The following PITPNC1 variants were observed in gnomAD, a reference collection of about 807,000 sequenced individuals.
The protein encoded by PITPNC1 is phosphatidylinositol transfer protein cytoplasmic 1.
In PITPNC1, 18 loss-of-function variants were observed where a neutral mutation model predicts 44.7. The observed-to-expected ratio is 0.40, with a 90% CI of 0.28 to 0.60. The LOEUF (loss-of-function observed/expected upper bound fraction) is 0.60. Among genes scored for constraint, PITPNC1 ranks in the 20% least tolerant of loss-of-function variants. The pLI is 0.39. For synonymous variants in PITPNC1, 141 were observed against 149.6 expected (o/e 0.94, Z 0.42); for missense variants, 290 against 418.4 (o/e 0.69, Z 2.68).
intron 1 of PITPNC1, among the ~76,000 whole-genome samples, chr17:67,513,054 TATA>T (rs1479536079): frequency 2.0e-5 from 3 of 151,962 alleles, no homozygotes; most frequent in Admixed American, 2.0e-4. Context: ...ATAGAAATCA[TATA>T]ATAATTATTA....
intron 1 of PITPNC1, among the ~76,000 whole-genome samples, chr17:67,492,185 G>C (rs1284918383): frequency 6.6e-6 from 1 of 152,076 alleles, no homozygotes; most frequent in African/African-American, 2.4e-5. Context: ...GCAAGTTGAA[G>C]GGTGGCCCCT....
In PITPNC1 at chr17:67,454,260, A is replaced by C. The variant is rs577146072; in HGVS notation, c.48+76058A>C. 1.3e-4 allele frequency among the ~76,000 whole-genome samples: 19 copies of C among 151,896 alleles called. 1 individual carries two copies. In the East Asian group the frequency reaches 1.9e-3, roughly 15 times the overall value. ...AGCAAGACTCCGTTCTCAAAAAAAAAAAAACAAAACCCAAAAGAGGACAGG... is the reference window on the plus strand; with the variant it reads ...AGCAAGACTCCGTTCTCAAAAAAAACAAAACAAAACCCAAAAGAGGACAGG... On this transcript the variant is annotated intron_variant, in intron 1 of 8. Coordinates refer to ENST00000581322, the MANE Select transcript of PITPNC1 (RefSeq NM_012417.4).
chr17:67,549,291 A>G (rs1207161493), intron 2 of PITPNC1, among the ~76,000 whole-genome samples: 1 of 152,078 alleles, frequency 6.6e-6, no homozygotes, highest in African/African-American at 2.4e-5. Context: ...CTGTCTCTAT[A>G]GCTTGAACCC....
chr17:67,425,161 CCA>C (rs1567984507), intron 1 of PITPNC1, among the ~76,000 whole-genome samples: 9 of 146,908 alleles, frequency 6.1e-5, no homozygotes, highest in Non-Finnish European at 1.3e-4. Flanking sequence ...CCGCCTGCAC[CCA>C]GGTGAAATAA....
intron 1 of PITPNC1, among the ~76,000 whole-genome samples, chr17:67,462,096 G>C (rs1481768146): frequency 8.6e-5 from 13 of 151,160 alleles, no homozygotes; most frequent in Non-Finnish European, 1.5e-4. Context: ...GTTGGTGGTT[G>C]TCTTAGTTGC....
chr17:67,415,399 T>C (rs1002278041), intron 1 of PITPNC1, among the ~76,000 whole-genome samples: 4 of 152,196 alleles, frequency 2.6e-5, no homozygotes, highest in African/African-American at 9.6e-5. Flanking sequence ...ACGCACGTCA[T>C]CGTCTCCAAA....
chr17:67,577,871 G>A (rs939292358), intron 4 of PITPNC1, among the ~76,000 whole-genome samples: 14 of 152,180 alleles, frequency 9.2e-5, no homozygotes, highest in African/African-American at 3.4e-4. Context: ...GAACTGGCGT[G>A]ATTTAGGGGT....
At chr17:67,423,475 T>C (rs1366022031) in intron 1 of PITPNC1, among the ~76,000 whole-genome samples, 3 of 152,174 alleles carry the variant, frequency 2.0e-5, no homozygotes, top group Admixed American at 6.5e-5. Context: ...TGGCGAAACC[T>C]GAATATTAGT....
intron 1 of PITPNC1, chr17:67,457,922 TGACTGAGCC>T (rs2039278908): frequency 1.3e-5 from 2 of 152,238 alleles, no homozygotes; most frequent in African/African-American, 4.8e-5. Context: ...GAAGCATAGT[TGACTGAGCC>T]CCAGAGGCCA....
At chr17:67,588,193 G>A (rs764036342) in intron 5 of PITPNC1, among the ~76,000 whole-genome samples, 1 of 151,940 alleles carries the variant, frequency 6.6e-6, no homozygotes, top group Non-Finnish European at 1.5e-5. Context: ...TAGTAGAGAC[G>A]GGATTTCACC....
At chr17:67,474,226 G>T (rs546685595) in intron 1 of PITPNC1, among the ~76,000 whole-genome samples, 3 of 152,146 alleles carry the variant, frequency 2.0e-5, no homozygotes, top group African/African-American at 7.2e-5. Flanking sequence ...CCACAAATGG[G>T]TAAGAGGAAA....
At chr17:67,610,267 C>T (rs9908474) in intron 5 of PITPNC1, among the ~76,000 whole-genome samples, 358 of 152,258 alleles carry the variant, frequency 2.4e-3, no homozygotes, top group African/African-American at 8.4e-3. Flanking sequence ...CATGAAAGCA[C>T]CGGAGGCACT....
At chr17:67,439,417 G>A (rs1241500199) in intron 1 of PITPNC1, among the ~76,000 whole-genome samples, 3 of 152,136 alleles carry the variant, frequency 2.0e-5, no homozygotes, top group Non-Finnish European at 4.4e-5. Context: ...CCCTCCAGCT[G>A]CCAGTGACAA....
intron 1 of PITPNC1, among the ~76,000 whole-genome samples, chr17:67,504,574 G>A (rs1159403749): frequency 6.6e-6 from 1 of 152,210 alleles, no homozygotes; most frequent in Non-Finnish European, 1.5e-5. Flanking sequence ...CCTGGGAAAC[G>A]TTTTGACAAA....
At chr17:67,518,015 A>G (rs1412947609) in intron 1 of PITPNC1, among the ~76,000 whole-genome samples, 4 of 152,252 alleles carry the variant, frequency 2.6e-5, no homozygotes, top group African/African-American at 4.8e-5. Context: ...AAAACATGAA[A>G]AATGCAAATG....
At position 67,461,335 on chromosome 17, in the gene PITPNC1, T is replaced by C. The variant is rs2039334462; in HGVS notation, c.49-71467T>C. Among the ~76,000 whole-genome samples the C allele has an allele frequency of 2.6e-5, 4 of 152,210 alleles. No individual in the cohort carries two copies. In the South Asian group the frequency reaches 8.3e-4, roughly 31 times the overall value. ...AAGTCAAATAGATAATAGGTCCCCATAGAATAGCACGGGACAATAGTACAG... is the reference window on the plus strand; with the variant it reads ...AAGTCAAATAGATAATAGGTCCCCACAGAATAGCACGGGACAATAGTACAG... On this transcript the variant is annotated intron_variant, in intron 1 of 8. Coordinates refer to ENST00000581322, the MANE Select transcript of PITPNC1 (RefSeq NM_012417.4).
Position 67,692,789 on chromosome 17 carries a change from C to G in PITPNC1, c.900C>G (p.Ala300=). 1 of 1,613,704 alleles carries G rather than the reference C, an allele frequency of 6.2e-7. No individual in the cohort carries two copies. The highest frequency in any genetic ancestry group is 1.1e-5 in the South Asian group (1 of 91,074). ...VPKDRPRKKS[A]PETLTLPDPE... is the part of the protein sequence containing the mutation. Reference sequence around the variant, plus strand: ...AAGATCGGCCCCGGAAAAAGTCTGCCCCAGAAACTCTCACACTTCCAGACC... The same window carrying G: ...AAGATCGGCCCCGGAAAAAGTCTGCGCCAGAAACTCTCACACTTCCAGACC... The change falls in exon 9 of 9, where the codon GCC becomes GCG. Residue 300 remains alanine (A), a synonymous_variant. Coordinates refer to ENST00000581322, the MANE Select transcript of PITPNC1 (RefSeq NM_012417.4).
chr17:67,509,650 T>C (rs1020398844), intron 1 of PITPNC1, among the ~76,000 whole-genome samples: 19 of 152,170 alleles, frequency 1.2e-4, no homozygotes, highest in Non-Finnish European at 2.6e-4. Flanking sequence ...CTTATTTGAC[T>C]GTGGTCCCCT....
In PITPNC1 at chr17:67,514,615, C is replaced by T. The variant is rs545200201; in HGVS notation, c.49-18187C>T. On this transcript the variant is annotated intron_variant, in intron 1 of 8. Coordinates refer to ENST00000581322, the MANE Select transcript of PITPNC1 (RefSeq NM_012417.4). The stretch of plus-strand genomic sequence containing the variant: ...TGAGGCAGACAGATCACCCGAGGTC[C>T]GGAGTTCAAGACCAGCCTGGCCAAC... Among the ~76,000 whole-genome samples, 238 of 146,826 alleles carry T rather than the reference C, an allele frequency of 1.6e-3. 3 individuals are homozygous for T. In the South Asian group the frequency reaches 0.018, roughly 11 times the overall value.
Sources: gnomAD v4.1 joint callset for allele counts (sites outside exome capture counted in the v4.1 genomes callset) on GRCh38, gnomAD v4.1.1 for gene constraint, MANE v1.5 for transcripts, NCBI Gene and HGNC (gene_info 2026-07-23, HGNC 2026-07-21) for gene names.